Variants in CCDC61 observed in about 807,000 individuals in gnomAD.
CCDC61 encodes the protein coiled-coil domain containing 61, also known as centrosomal protein CCDC61.
Under a neutral mutation model 63.0 loss-of-function variants are expected in CCDC61, and 55 were observed. That is an observed-to-expected ratio of 0.87 (90% confidence interval 0.70 to 1.09). CCDC61 has a LOEUF of 1.09. Among genes scored for constraint, CCDC61 ranks in the 50% least tolerant of loss-of-function variants. The probability of loss-of-function intolerance (pLI) is 0.00; values close to 1 mark genes in which losing one functional copy is unlikely to be tolerated. For missense variants in CCDC61, 651 were observed against 731.4 expected, an observed-to-expected ratio of 0.89 and a Z score of 1.27; for synonymous variants, 270 against 317.0, an observed-to-expected ratio of 0.85 and a Z score of 1.58.
At chr19:46,009,808 GTGTGTGTA>G (rs1368263559) in intron 5 of CCDC61, among the ~76,000 whole-genome samples, 51 of 80,878 alleles carry the variant, frequency 6.3e-4, no homozygotes, top group Admixed American at 4.4e-3. Flanking sequence ...CAGGCTGTGT[GTGTGTGTA>G]TGTGTGTGTG....
intron 1 of CCDC61, among the ~76,000 whole-genome samples, chr19:46,001,378 C>T (rs978891898): frequency 7.2e-5 from 11 of 152,132 alleles, no homozygotes; most frequent in Non-Finnish European, 1.6e-4. Flanking sequence ...AGGCACCTGC[C>T]ACCACGCCCA....
At chr19:46,004,272 T>C (rs969459173) in intron 3 of CCDC61, among the ~76,000 whole-genome samples, 1 of 152,100 alleles carries the variant, frequency 6.6e-6, no homozygotes, top group African/African-American at 2.4e-5. Flanking sequence ...CAGCAATATC[T>C]CATAAAAATG....
At chr19:46,005,096 C>T (rs10424640) in intron 3 of CCDC61, among the ~76,000 whole-genome samples, 82,515 of 151,672 alleles carry the variant, frequency 0.54, 22,566 homozygotes, top group South Asian at 0.63. Context: ...CTGCAACCTC[C>T]GCCTCCCGAT....
At chr19:46,011,871 C>T (rs1043206455) in intron 5 of CCDC61, among the ~76,000 whole-genome samples, 18 of 152,170 alleles carry the variant, frequency 1.2e-4, no homozygotes, top group African/African-American at 7.2e-5. Flanking sequence ...GGCGTGATCT[C>T]TGCTCACTGC....
chr19:46,014,369 A>G (rs1297937563), intron 5 of CCDC61, among the ~76,000 whole-genome samples: 1 of 152,186 alleles, frequency 6.6e-6, no homozygotes, highest in Non-Finnish European at 1.5e-5. Context: ...TTCTTTTATG[A>G]AAAGGGACAT....
chr19:46,016,524 C>A lies in CCDC61; in HGVS notation c.1091+131C>A. On this transcript the variant is annotated intron_variant, in intron 9 of 13. Coordinates refer to ENST00000595358, the MANE Select transcript of CCDC61 (RefSeq NM_001267723.2). The surrounding 1 kb of genome is among the most constrained non-coding windows in gnomAD (Gnocchi z 7.2). ...CGCTTCTCGCCGGATACCCCGCCTG[C>A]TCTCCCTTCCGTCCGTCCTACCTCC... 1 of 1,368,938 alleles carries A rather than the reference C, an allele frequency of 7.3e-7. No homozygotes were observed. Among genetic ancestry groups the A allele is most frequent in the Non-Finnish European group, 1.0e-6 (1 of 990,698 alleles). The allele number at this position is 1,368,938 out of a possible 1,614,324, so 84.8% of individuals were successfully genotyped here.
chr19:46,009,995 C>T (rs1234745966), intron 5 of CCDC61, among the ~76,000 whole-genome samples: 1 of 152,212 alleles, frequency 6.6e-6, no homozygotes, highest in Admixed American at 6.5e-5. Context: ...GGCTTCTTAT[C>T]TTCCTCTTCC....
chr19:46,010,934 G>A (rs1218789124), intron 5 of CCDC61, among the ~76,000 whole-genome samples: 1 of 152,124 alleles, frequency 6.6e-6, no homozygotes, highest in Non-Finnish European at 1.5e-5. Flanking sequence ...CTGCGTATGC[G>A]TTCACACTTA....
chr19:46,015,124 G>A lies in CCDC61; in HGVS notation c.627G>A (p.Gly209=), dbSNP rs756795093. 94 of 1,300,254 alleles carry A rather than the reference G, an allele frequency of 7.2e-5. No individual in the cohort carries two copies. The highest frequency in any genetic ancestry group is 8.6e-5 in the Non-Finnish European group (88 of 1,027,202). 80.5% of individuals were successfully genotyped at this position (1,300,254 alleles called of 1,614,324 possible). A position where few individuals can be genotyped will look rare whatever the true frequency, so the allele number is the denominator to read the frequency against. Residue 209 remains glycine (G), a synonymous_variant, in exon 6 of 14, where the codon GGG becomes GGA. Transcript: ENST00000595358. This position sits in a 1 kb window ranked among gnomAD's most constrained non-coding sequence, Gnocchi z 5.3. ...LGRSREEALA[G]RAARQEAEAL... is the part of the protein sequence containing the mutation. The stretch of plus-strand genomic sequence containing the variant: ...GATCGCGCGAGGAGGCGCTGGCCGG[G>A]CGCGCGGCACGCCAGGAGGCCGAGG...
At chr19:46,013,867 GAA>G (rs5828260) in intron 5 of CCDC61, among the ~76,000 whole-genome samples, 29 of 135,856 alleles carry the variant, frequency 2.1e-4, no homozygotes, top group Non-Finnish European at 2.4e-4. Flanking sequence ...CTCCGTCTCA[GAA>G]AAAAAAAAAA....
rs76580477 is a variant in CCDC61, at chr19:46,006,517, G to A, written c.232-42G>A. The A allele has an allele frequency of 1.1e-3, 1,566 of 1,460,174 alleles. 15 individuals carry two copies. The African/African-American group carries it at 0.019, about 17-fold the overall frequency. 90.5% of individuals were successfully genotyped at this position (1,460,174 alleles called of 1,614,324 possible). On this transcript the variant is annotated intron_variant, in intron 3 of 13. Coordinates refer to ENST00000595358, the MANE Select transcript of CCDC61 (RefSeq NM_001267723.2). ...TGTGCTAGGTGCCCTCCGTGTGGCAGTGGCGGGTGCTGTGGCAGCTCCTCC... is the reference window on the plus strand; with the variant it reads ...TGTGCTAGGTGCCCTCCGTGTGGCAATGGCGGGTGCTGTGGCAGCTCCTCC...
rs192821607 is a variant in CCDC61 at position 46,008,428 on chromosome 19, G to A, written c.551+127G>A. On this transcript the variant is annotated intron_variant, in intron 5 of 13. Coordinates refer to ENST00000595358, the MANE Select transcript of CCDC61 (RefSeq NM_001267723.2). ...CCACCACGTATTCTTTTTTTTTTGA[G>A]ACAAGAGTCTCACTCTGTTGCCCAG... is the stretch of plus-strand genomic sequence containing the variant. 162 of 843,376 alleles carry A rather than the reference G, an allele frequency of 1.9e-4. 1 individual carries two copies. The African/African-American group carries it at 2.7e-3, about 14-fold the overall frequency. 52.2% of individuals were successfully genotyped at this position (843,376 alleles called of 1,614,324 possible). A position where few individuals can be genotyped will look rare whatever the true frequency, so the allele number is the denominator to read the frequency against.
chr19:46,007,879 CAAG>C lies in CCDC61; in HGVS notation c.390-260_390-258del, dbSNP rs201009830. On this transcript the variant is annotated intron_variant, in intron 4 of 13. Coordinates refer to ENST00000595358, the MANE Select transcript of CCDC61 (RefSeq NM_001267723.2). ...CATTCCCTTCATCAGCAGTGGGTGA[CAAG>C]GAAGTTCCCCCAGACTACACCAGGG... 2.3e-3 allele frequency among the ~76,000 whole-genome samples: 347 copies of C among 152,200 alleles called. 1 individual carries two copies. Among genetic ancestry groups the C allele is most frequent in the African/African-American group, 7.6e-3 (316 of 41,508 alleles).
Position 46,016,187 on chromosome 19 carries a change from C to A in CCDC61, c.979C>A (p.Arg327=). 7.5e-7 allele frequency: 1 copy of A among 1,325,070 alleles called. No individual in the cohort carries two copies. Among genetic ancestry groups the A allele is most frequent in the Non-Finnish European group, 9.6e-7 (1 of 1,039,112 alleles). 82.1% of individuals were successfully genotyped at this position (1,325,070 alleles called of 1,614,324 possible). A position where few individuals can be genotyped will look rare whatever the true frequency, so the allele number is the denominator to read the frequency against. ...SRESGRGSRG[R]GRPARPSPSP... ...GGAGAGCGGCCGCGGGAGCCGGGGT[C>A]GGGGCCGCCCTGCGCGCCCCTCGCC... Residue 327 remains arginine (R), a synonymous_variant, in exon 8 of 14, where the codon CGG becomes AGG. Transcript: ENST00000595358. The surrounding 1 kb of genome is among the most constrained non-coding windows in gnomAD (Gnocchi z 7.2).
At chr19:46,001,232 A>G (rs1968585977) in intron 1 of CCDC61, among the ~76,000 whole-genome samples, 1 of 151,838 alleles carries the variant, frequency 6.6e-6, no homozygotes, top group Non-Finnish European at 1.5e-5. Flanking sequence ...TTTTTTATTT[A>G]TTTGTTTTTT....
At chr19:46,001,393 A>T (rs942895133) in intron 1 of CCDC61, among the ~76,000 whole-genome samples, 3 of 151,990 alleles carry the variant, frequency 2.0e-5, no homozygotes, top group East Asian at 3.9e-4. Context: ...CGCCCAGCTA[A>T]TTTTTGTATT....
chr19:46,006,143 T>C (rs543653778), intron 3 of CCDC61, among the ~76,000 whole-genome samples: 6 of 152,226 alleles, frequency 3.9e-5, no homozygotes, highest in Non-Finnish European at 8.8e-5. Flanking sequence ...GCCAGGGGCT[T>C]GATTTCTCCT....
Position 46,015,148 on chromosome 19 carries a change from G to C in CCDC61, c.651G>C (p.Glu217Asp). Reference sequence around the variant, plus strand: ...GGCGCGCGGCACGCCAGGAGGCCGAGGCGCTGCGCGGGCTGGTGCGCGGGC... The same window carrying C: ...GGCGCGCGGCACGCCAGGAGGCCGACGCGCTGCGCGGGCTGGTGCGCGGGC... Reference protein sequence around the residue: ...LAGRAARQEAEALRGLVRGLE... With the variant: ...LAGRAARQEADALRGLVRGLE... Residue 217 changes from glutamate to aspartate, a missense_variant, in exon 6 of 14, where the codon GAG (glutamate) becomes GAC (aspartate). Transcript: ENST00000595358. The surrounding 1 kb of genome is among the most constrained non-coding windows in gnomAD (Gnocchi z 5.3). 7.9e-7 allele frequency: 1 copy of C among 1,269,408 alleles called. No homozygotes were observed. Among genetic ancestry groups the C allele is most frequent in the Non-Finnish European group, 9.9e-7 (1 of 1,011,556 alleles). The allele number at this position is 1,269,408 out of a possible 1,614,324, so 78.6% of individuals were successfully genotyped here.
intron 5 of CCDC61, among the ~76,000 whole-genome samples, chr19:46,012,194 C>A (rs1220434558): frequency 6.6e-6 from 1 of 152,248 alleles, no homozygotes; most frequent in Non-Finnish European, 1.5e-5. Flanking sequence ...ACACCTGAAT[C>A]TCTGGGATGG....
Sources: allele counts gnomAD v4.1 joint callset (sites outside exome capture counted in the v4.1 genomes callset), GRCh38; gene constraint gnomAD v4.1.1; non-coding constraint Gnocchi (gnomAD v3.1); transcripts MANE v1.5; gene names NCBI Gene and HGNC (gene_info 2026-07-23, HGNC 2026-07-21).